Variants in SERINC5 observed in about 807,000 individuals in gnomAD.
The protein encoded by SERINC5 is serine incorporator 5, also known as chromosome 5 open reading frame 12.
In SERINC5, 41 loss-of-function variants were observed where a neutral mutation model predicts 63.1. That is an observed-to-expected ratio of 0.65 (90% confidence interval 0.51 to 0.84). SERINC5 has a LOEUF of 0.84. SERINC5 is among the 40% of genes least tolerant of loss of function. The probability of loss-of-function intolerance (pLI) is 0.00; values close to 1 mark genes in which losing one functional copy is unlikely to be tolerated. For missense variants in SERINC5, 523 were observed against 573.0 expected (o/e 0.91, Z 0.89); for synonymous variants, 222 against 215.2 (o/e 1.03, Z -0.28).
chr5:80,142,622 G>T lies in SERINC5; in HGVS notation c.*1041C>A, dbSNP rs903360238. 5 of 985,266 alleles carry T rather than the reference G, an allele frequency of 5.1e-6. No individual in the cohort carries two copies. In the Admixed American group the frequency reaches 2.5e-4, roughly 48 times the overall value. The allele number at this position is 985,266 out of a possible 1,614,324, so 61.0% of individuals were successfully genotyped here. ...ACTCCAAGGATGCCAGCATGAACCT[G>T]AACGGTATGGTCACGTTACAGATCC... On this transcript the variant is annotated 3_prime_UTR_variant, in exon 12 of 12. Transcript: ENST00000507668.
chr5:80,193,368 T>A (rs1465630365), intron 2 of SERINC5, among the ~76,000 whole-genome samples: 3 of 152,210 alleles, frequency 2.0e-5, no homozygotes, highest in Non-Finnish European at 4.4e-5. Flanking sequence ...AAAGCTTTTG[T>A]CTGTTCTATT....
At chr5:80,212,926 A>G (rs1056946939) in intron 1 of SERINC5, among the ~76,000 whole-genome samples, 2 of 152,188 alleles carry the variant, frequency 1.3e-5, no homozygotes, top group Non-Finnish European at 2.9e-5. Context: ...CCCCCATACA[A>G]AAGAATACAT....
intron 1 of SERINC5, among the ~76,000 whole-genome samples, chr5:80,233,056 C>T (rs1427704885): frequency 6.6e-6 from 1 of 152,176 alleles, no homozygotes; most frequent in African/African-American, 2.4e-5. Flanking sequence ...TGTAAATATA[C>T]TATAAAACCA....
intron 11 of SERINC5, among the ~76,000 whole-genome samples, chr5:80,118,127 T>C (rs1744404540): frequency 6.6e-6 from 1 of 151,880 alleles, no homozygotes; most frequent in Admixed American, 6.6e-5. Flanking sequence ...TGCTTGAAAC[T>C]GGGAGGCGGA....
At chr5:80,253,050 T>C (rs58731486) in intron 1 of SERINC5, among the ~76,000 whole-genome samples, 5,847 of 152,268 alleles carry the variant, frequency 0.038, 383 homozygotes, top group African/African-American at 0.13. Context: ...AAATGTCCTC[T>C]TCCTAACAAT....
Position 80,142,907 on chromosome 5 carries a change from T to C in SERINC5, c.*756A>G. The stretch of plus-strand genomic sequence containing the variant: ...ATAACACCATAAATAAGCGCCGTAC[T>C]TATTGCAGTAACTCGGATCAGGTAG... On this transcript the variant is annotated 3_prime_UTR_variant, in exon 12 of 12. Transcript: ENST00000507668. 6.1e-6 allele frequency: 6 copies of C among 985,436 alleles called. No individual in the cohort carries two copies. Among genetic ancestry groups the C allele is most frequent in the Non-Finnish European group, 7.2e-6 (6 of 829,924 alleles). 61.0% of individuals were successfully genotyped at this position (985,436 alleles called of 1,614,324 possible).
intron 11 of SERINC5, among the ~76,000 whole-genome samples, chr5:80,125,769 A>C (rs1449623828): frequency 6.6e-6 from 1 of 152,216 alleles, no homozygotes; most frequent in Non-Finnish European, 1.5e-5. Flanking sequence ...TTGGATACGG[A>C]GAAGAGCAAA....
chr5:80,232,712 A>G (rs1277099716), intron 1 of SERINC5, among the ~76,000 whole-genome samples: 1 of 151,916 alleles, frequency 6.6e-6, no homozygotes, highest in Non-Finnish European at 1.5e-5. Context: ...TGAACCCAGG[A>G]GGCAGAGGTT....
chr5:80,168,787 A>C (rs1747467009), intron 6 of SERINC5, among the ~76,000 whole-genome samples: 1 of 152,184 alleles, frequency 6.6e-6, no homozygotes, highest in African/African-American at 2.4e-5. Flanking sequence ...AACAACAATG[A>C]GCAAGGTCAG....
In SERINC5 at chr5:80,141,831, G is replaced by C. The variant is rs537535238; in HGVS notation, c.*1832C>G. ...AATTTAATGGAATTTACAAAACAAG[G>C]CTCTCTAAACCACACACACAGATGG... On this transcript the variant is annotated 3_prime_UTR_variant, in exon 12 of 12. Coordinates refer to ENST00000507668, the MANE Select transcript of SERINC5 (RefSeq NM_001174072.3). The C allele has an allele frequency of 1.0e-5, 10 of 985,204 alleles. No individual in the cohort carries two copies. The South Asian group carries it at 2.3e-4, about 23-fold the overall frequency. 61.0% of individuals were successfully genotyped at this position (985,204 alleles called of 1,614,324 possible).
At chr5:80,202,796 GT>G in intron 2 of SERINC5, 89 bp downstream of exon 2, 1 of 1,309,330 alleles carries the variant, frequency 7.6e-7, no homozygotes. Context: ...ACACATGGGG[GT>G]ACATGGACCC....
At chr5:80,185,294 C>G (rs1580131377) in intron 2 of SERINC5, among the ~76,000 whole-genome samples, 1 of 152,150 alleles carries the variant, frequency 6.6e-6, no homozygotes. Context: ...ACTTCCATTC[C>G]TAACTCCACT....
At chr5:80,153,302 A>C (rs1037762293) in intron 8 of SERINC5, among the ~76,000 whole-genome samples, 9 of 151,866 alleles carry the variant, frequency 5.9e-5, no homozygotes, top group African/African-American at 1.9e-4. Context: ...TACTAAAAAT[A>C]TAAAAATTAG....
chr5:80,156,907 C>T (rs1746556752), intron 8 of SERINC5: 1 of 151,606 alleles, frequency 6.6e-6, no homozygotes. Flanking sequence ...CATTATGCAG[C>T]AGGCTAAGAA....
In SERINC5 at chr5:80,142,379, C is replaced by T. The variant is rs2112289626; in HGVS notation, c.*1284G>A. 1.2e-6 allele frequency: 1 copy of T among 849,012 alleles called. No homozygotes were observed. Among genetic ancestry groups the T allele is most frequent in the Non-Finnish European group, 1.4e-6 (1 of 705,464 alleles). The allele number at this position is 849,012 out of a possible 1,614,324, so 52.6% of individuals were successfully genotyped here. A position where few individuals can be genotyped will look rare whatever the true frequency, so the allele number is the denominator to read the frequency against. On this transcript the variant is annotated 3_prime_UTR_variant, in exon 12 of 12. Transcript: ENST00000507668. ...CTTCGAGTAGCTGGCATTACAGGCA[C>T]ACGCTACCATGCCCGGCTAATTTTT...
chr5:80,239,444 T>C (rs1391150146), intron 1 of SERINC5, among the ~76,000 whole-genome samples: 1 of 150,966 alleles, frequency 6.6e-6, no homozygotes, highest in Non-Finnish European at 1.5e-5. Context: ...TTTCAGTTTA[T>C]GGTTTGGGTG....
At position 80,155,661 on chromosome 5, in the gene SERINC5, T is replaced by C. The variant is rs142545906; in HGVS notation, c.986+3175A>G. On this transcript the variant is annotated intron_variant, in intron 8 of 11. Coordinates refer to ENST00000507668, the MANE Select transcript of SERINC5 (RefSeq NM_001174072.3). ...TGGTTATGCCTGTAGTCCCAGCTAC[T>C]TGGGAGGCTGAGGCAGGAGGATCCC... Among the ~76,000 whole-genome samples the C allele has an allele frequency of 7.0e-3, 1,070 of 151,864 alleles. 9 individuals are homozygous for C. Among genetic ancestry groups the C allele is most frequent in the African/African-American group, 0.025 (1,016 of 41,370 alleles).
At chr5:80,134,390 G>A (rs574279920), downstream of SERINC5, among the ~76,000 whole-genome samples, 8 of 152,182 alleles carry the variant, frequency 5.3e-5, no homozygotes, top group Admixed American at 2.6e-4. Flanking sequence ...GGAGGCTGAC[G>A]CAGGAGAATC....
At chr5:80,230,431 G>C (rs1751383009) in intron 1 of SERINC5, among the ~76,000 whole-genome samples, 2 of 112,386 alleles carry the variant, frequency 1.8e-5, no homozygotes, top group South Asian at 6.1e-4. Context: ...CTGCATTCTA[G>C]AGCAAGACTG....
Sources: allele counts gnomAD v4.1 joint callset (sites outside exome capture counted in the v4.1 genomes callset), GRCh38; gene constraint gnomAD v4.1.1; transcripts MANE v1.5; gene names NCBI Gene and HGNC (gene_info 2026-07-23, HGNC 2026-07-21).